LRIF1: variants seen among roughly 807,000 people sequenced by gnomAD.
LRIF1 encodes the protein ligand-dependent nuclear receptor-interacting factor 1.
In LRIF1, 32 loss-of-function variants were observed where a neutral mutation model predicts 52.7. That is an observed-to-expected ratio of 0.61 (90% CI 0.46 to 0.82). The LOEUF is 0.82. Ranked by LOEUF, LRIF1 falls within the 40% of genes least tolerant of loss-of-function variation. LRIF1 has a pLI of 0.00. For synonymous variants in LRIF1, 323 were observed against 317.4 expected (o/e 1.02, Z -0.19); for missense variants, 887 against 892.0 (o/e 0.99, Z 0.07).
the LRIF1 span, among the ~76,000 whole-genome samples, chr1:110,929,210 GTGCTA>G: frequency 6.6e-6 from 1 of 152,146 alleles, no homozygotes; most frequent in South Asian, 2.1e-4. Context: ...ATTGTGAATA[GTGCTA>G]CAATGAACAT....
intron 1 of LRIF1, among the ~76,000 whole-genome samples, chr1:110,954,071 C>A (rs1193940474): frequency 1.3e-5 from 2 of 152,006 alleles, no homozygotes; most frequent in Admixed American, 1.3e-4. Flanking sequence ...AGTTCAAGGG[C>A]AAATAATAAC....
chr1:110,943,322 G>A (rs1236012788), downstream of LRIF1: 3 of 152,226 alleles, frequency 2.0e-5, no homozygotes, highest in Non-Finnish European at 2.9e-5. Flanking sequence ...AAATTATGAA[G>A]AATAATGTTG....
chr1:110,894,414 G>C, the LRIF1 span: 1 of 1,602,066 alleles, frequency 6.2e-7, no homozygotes, highest in Non-Finnish European at 8.6e-7. Context: ...AAGTTATAAA[G>C]ACAACAACTT....
At chr1:110,928,044 A>G in the LRIF1 span, among the ~76,000 whole-genome samples, 1 of 152,114 alleles carries the variant, frequency 6.6e-6, no homozygotes, top group Non-Finnish European at 1.5e-5. Context: ...TTCCCTCAGT[A>G]TTATTAAAAC....
At chr1:110,929,613 T>C in the LRIF1 span, among the ~76,000 whole-genome samples, 3 of 152,214 alleles carry the variant, frequency 2.0e-5, no homozygotes, top group African/African-American at 7.2e-5. Flanking sequence ...AATGGGTTTT[T>C]TTTCTTATAA....
chr1:110,948,165 T>C lies in LRIF1; in HGVS notation c.2104A>G (p.Lys702Glu). ...RTEMEYYTHEKQEKGTLNSNA... is the reference protein window; with the variant it reads ...RTEMEYYTHEEQEKGTLNSNA... ...GAATTCAAAGTGCCTTTCTCTTGCTTCTCATGGGTATAGTATTCCATCTCA... is the reference window on the plus strand; with the variant it reads ...GAATTCAAAGTGCCTTTCTCTTGCTCCTCATGGGTATAGTATTCCATCTCA... Residue 702 changes from lysine (K) to glutamate (E), a missense_variant, in exon 4 of 4, where the codon AAG (lysine) becomes GAG (glutamate). Lys to Glu is a moderately conservative substitution (Grantham distance 56, BLOSUM62 1). Coordinates refer to ENST00000369763, the MANE Select transcript of LRIF1 (RefSeq NM_018372.4). The C allele has an allele frequency of 3.1e-6, 5 of 1,614,128 alleles. No homozygotes were observed. Among genetic ancestry groups the C allele is most frequent in the Non-Finnish European group, 4.2e-6 (5 of 1,179,994 alleles).
chr1:110,947,531 T>C lies in LRIF1; in HGVS notation c.*428A>G, dbSNP rs894188055. Reference sequence around the variant, plus strand: ...AGGGTAAAGAGATAAAGCAAGTACATATACAAATCCACTGGAAAAGCTAAG... The same window carrying C: ...AGGGTAAAGAGATAAAGCAAGTACACATACAAATCCACTGGAAAAGCTAAG... On this transcript the variant is annotated 3_prime_UTR_variant, in exon 4 of 4. Coordinates refer to ENST00000369763, the MANE Select transcript of LRIF1 (RefSeq NM_018372.4). 1.3e-5 allele frequency: 2 copies of C among 155,620 alleles called. No individual in the cohort carries two copies. Among genetic ancestry groups the C allele is most frequent in the African/African-American group, 4.8e-5 (2 of 41,440 alleles). 9.6% of individuals were successfully genotyped at this position (155,620 alleles called of 1,614,324 possible).
the LRIF1 span, chr1:110,892,677 C>A: frequency 2.8e-6 from 2 of 704,918 alleles, no homozygotes; most frequent in Non-Finnish European, 4.9e-6. Flanking sequence ...CAAGTCTGCC[C>A]AGACCAATAG....
chr1:110,891,567 A>T, the LRIF1 span: 1 of 911,744 alleles, frequency 1.1e-6, no homozygotes, highest in Non-Finnish European at 1.8e-6. Context: ...GGTAAAATGC[A>T]TGCGTGTTTG....
the LRIF1 span, among the ~76,000 whole-genome samples, chr1:110,917,267 C>T: frequency 6.6e-6 from 1 of 152,202 alleles, no homozygotes; most frequent in Non-Finnish European, 1.5e-5. Flanking sequence ...TTGGTTCCTA[C>T]TTGTTGCCAC....
Position 110,947,843 on chromosome 1 carries a change from A to T in LRIF1, c.*116T>A. 7.2e-7 allele frequency: 1 copy of T among 1,379,432 alleles called. No homozygotes were observed. The allele number at this position is 1,379,432 out of a possible 1,614,324, so 85.4% of individuals were successfully genotyped here. On this transcript the variant is annotated 3_prime_UTR_variant, in exon 4 of 4. Transcript: ENST00000369763. ...TTCCTTAAAGTTGTACAATCGACTG[A>T]TGAAAAAACAAGCTTCATATTCAAA...
chr1:110,929,813 G>C, the LRIF1 span, among the ~76,000 whole-genome samples: 2 of 152,064 alleles, frequency 1.3e-5, no homozygotes, highest in Non-Finnish European at 2.9e-5. Context: ...TAAATGATGA[G>C]ATCACGTGGA....
the LRIF1 span, among the ~76,000 whole-genome samples, chr1:110,890,949 T>C: frequency 6.6e-6 from 1 of 152,268 alleles, no homozygotes; most frequent in African/African-American, 2.4e-5. Context: ...ATGTAGCATG[T>C]ACATAAATCA....
At chr1:110,932,080 T>C in the LRIF1 span, among the ~76,000 whole-genome samples, 1 of 152,218 alleles carries the variant, frequency 6.6e-6, no homozygotes, top group East Asian at 1.9e-4. Flanking sequence ...CTGAATGGTA[T>C]TGCCTAGACT....
chr1:110,931,560 A>G, the LRIF1 span, among the ~76,000 whole-genome samples: 4 of 152,162 alleles, frequency 2.6e-5, no homozygotes, highest in African/African-American at 9.7e-5. Flanking sequence ...GAATCACCAC[A>G]CTGTCTTCCA....
the LRIF1 span, among the ~76,000 whole-genome samples, chr1:110,889,393 A>G: frequency 3.3e-5 from 5 of 149,950 alleles, no homozygotes. Context: ...CGTCTCTACT[A>G]AAAAAAAATA....
At chr1:110,955,534 CAG>C (rs369826482) in intron 1 of LRIF1, among the ~76,000 whole-genome samples, 153 of 152,266 alleles carry the variant, frequency 1.0e-3, no homozygotes, top group African/African-American at 3.5e-3. Flanking sequence ...GCCAAAGGAA[CAG>C]AGGATTTTAA....
the LRIF1 span, among the ~76,000 whole-genome samples, chr1:110,900,879 C>A: frequency 2.0e-5 from 3 of 151,832 alleles, no homozygotes; most frequent in Non-Finnish European, 4.4e-5. Flanking sequence ...AAAAAAGAAG[C>A]TAAATTGAAT....
At chr1:110,959,547 C>T (rs1039949967) in intron 1 of LRIF1, among the ~76,000 whole-genome samples, 3 of 151,554 alleles carry the variant, frequency 2.0e-5, no homozygotes, top group African/African-American at 7.3e-5. Context: ...GTCAAGAGAT[C>T]GAGACCATCC....
Sources: allele counts gnomAD v4.1 joint callset (sites outside exome capture counted in the v4.1 genomes callset), GRCh38; gene constraint gnomAD v4.1.1; transcripts MANE v1.5; gene names NCBI Gene and HGNC (gene_info 2026-07-23, HGNC 2026-07-21).